Variants in NAAA observed in about 807,000 individuals in gnomAD.
NAAA encodes the protein N-acylethanolamine acid amidase, also known as N-acylethanolamine-hydrolyzing acid amidase.
NAAA carries 39 observed loss-of-function variants against 44.8 expected under a neutral mutation model. The observed-to-expected ratio is 0.87, with a 90% CI of 0.67 to 1.14. NAAA has a LOEUF of 1.14. NAAA is among the 50% of genes most tolerant of loss of function. The probability of loss-of-function intolerance (pLI) is 0.00; values close to 1 mark genes in which losing one functional copy is unlikely to be tolerated. For synonymous variants in NAAA, 178 were observed against 191.3 expected (o/e 0.93, Z 0.58); for missense variants, 460 against 467.8 (o/e 0.98, Z 0.15).
chr4:75,933,288 T>A (rs2149278329), intron 3 of NAAA, among the ~76,000 whole-genome samples: 1 of 152,292 alleles, frequency 6.6e-6, no homozygotes, highest in Non-Finnish European at 1.5e-5. Flanking sequence ...ATTATTTATT[T>A]TTACCTTATC....
intron 5 of NAAA, among the ~76,000 whole-genome samples, chr4:75,922,345 T>G (rs1269317062): frequency 6.8e-6 from 1 of 146,514 alleles, no homozygotes; most frequent in African/African-American, 2.6e-5. Context: ...GCCACTGCAC[T>G]CCAGCCTGGG....
chr4:75,937,515 AGT>A (rs1486774779), intron 2 of NAAA, among the ~76,000 whole-genome samples: 28 of 151,642 alleles, frequency 1.8e-4, no homozygotes, highest in African/African-American at 6.5e-4. Context: ...ATTTATTTTG[AGT>A]CTCTGTCACC....
At chr4:75,938,997 C>T (rs1004214262) in intron 2 of NAAA, among the ~76,000 whole-genome samples, 4 of 152,046 alleles carry the variant, frequency 2.6e-5, no homozygotes, top group Admixed American at 1.3e-4. Context: ...TTCACAGGTG[C>T]CCGCCACCAG....
chr4:75,931,188 A>G (rs776257718), intron 4 of NAAA, 26 bp downstream of exon 4: 10 of 1,589,194 alleles, frequency 6.3e-6, no homozygotes, highest in Non-Finnish European at 8.6e-6. Flanking sequence ...TGTAGCTAAA[A>G]TTACACAGGG....
chr4:75,925,816 C>T lies in NAAA; in HGVS notation c.590-5G>A, dbSNP rs369337623. The T allele has an allele frequency of 8.1e-6, 13 of 1,613,804 alleles. No homozygotes were observed. The highest frequency in any genetic ancestry group is 1.3e-5 in the African/African-American group (1 of 74,982). On this transcript the variant is annotated splice_polypyrimidine_tract_variant and splice_region_variant and intron_variant, in intron 4 of 10. Coordinates refer to ENST00000286733, the MANE Select transcript of NAAA (RefSeq NM_014435.4). ...TCTCCCACCACCAGCCTTTATCTGCCAAGTTGAGTATATATGTTATATATG... is the reference window on the plus strand; with the variant it reads ...TCTCCCACCACCAGCCTTTATCTGCTAAGTTGAGTATATATGTTATATATG...
rs1560519344 is a variant in NAAA at position 75,936,247 on chromosome 4, G to A, written c.372-12C>T. 1 of 1,608,454 alleles carries A rather than the reference G, an allele frequency of 6.2e-7. No homozygotes were observed. The highest frequency in any genetic ancestry group is 8.5e-7 in the Non-Finnish European group (1 of 1,177,864). ...TACTGGTGCAGAACCTGAGAAAAGGGAAAAGTCCAACATGAATGAATAAGA... is the reference window on the plus strand; with the variant it reads ...TACTGGTGCAGAACCTGAGAAAAGGAAAAAGTCCAACATGAATGAATAAGA... On this transcript the variant is annotated splice_polypyrimidine_tract_variant and intron_variant, in intron 2 of 10. Coordinates refer to ENST00000286733, the MANE Select transcript of NAAA (RefSeq NM_014435.4).
Position 75,914,127 on chromosome 4 carries a change from G to C in NAAA, c.*248C>G, listed in dbSNP as rs1725452955. On this transcript the variant is annotated 3_prime_UTR_variant, in exon 11 of 11. Transcript: ENST00000286733. ...ATTCAGGCCAGGATAGAAGCTTAGA[G>C]AGGATCGAGGCAAACCATGAAGGGA... The C allele has an allele frequency of 4.1e-6, 4 of 985,598 alleles. No individual in the cohort carries two copies. The highest frequency in any genetic ancestry group is 3.6e-6 in the Non-Finnish European group (3 of 829,958). The allele number at this position is 985,598 out of a possible 1,614,324, so 61.1% of individuals were successfully genotyped here.
At chr4:75,912,629 C>T (rs1387513681), downstream of NAAA, among the ~76,000 whole-genome samples, 1 of 151,650 alleles carries the variant, frequency 6.6e-6, no homozygotes, top group Non-Finnish European at 1.5e-5. Context: ...ACAGAATAAG[C>T]TGGGCATAGT....
At chr4:75,919,619 C>T (rs1034183208) in intron 8 of NAAA, 35 of 499,776 alleles carry the variant, frequency 7.0e-5, no homozygotes, top group Non-Finnish European at 1.0e-4. Flanking sequence ...GCTTGGACTA[C>T]AGGCACCCGC....
rs1480152148 is a variant in NAAA, at chr4:75,914,899, C to T, written c.*5G>A. 5.0e-6 allele frequency: 8 copies of T among 1,614,082 alleles called. No individual in the cohort carries two copies. Among genetic ancestry groups the T allele is most frequent in the Non-Finnish European group, 6.8e-6 (8 of 1,179,962 alleles). ...CAGCACGGGCGAACTCGCTCTTCTG[C>T]TGACTTACTTTCTACTCGGGTTTCT... On this transcript the variant is annotated 3_prime_UTR_variant, in exon 10 of 11. Transcript: ENST00000286733.
At chr4:75,928,201 T>A (rs1170644523) in intron 4 of NAAA, among the ~76,000 whole-genome samples, 1 of 152,222 alleles carries the variant, frequency 6.6e-6, no homozygotes, top group African/African-American at 2.4e-5. Flanking sequence ...ACTTGGAGAT[T>A]CCACATATAA....
downstream of NAAA, among the ~76,000 whole-genome samples, chr4:75,913,459 C>T (rs373912216): frequency 2.0e-5 from 3 of 152,000 alleles, no homozygotes; most frequent in African/African-American, 7.2e-5. Context: ...TTCGTTTACA[C>T]TTTTAACCTT....
chr4:75,937,917 A>G (rs187957602), intron 2 of NAAA, among the ~76,000 whole-genome samples: 19 of 152,362 alleles, frequency 1.2e-4, no homozygotes, highest in African/African-American at 4.6e-4. Flanking sequence ...TGGCAAGATA[A>G]CAATACTTCC....
chr4:75,927,633 GCCC>G (rs60371960), intron 4 of NAAA, among the ~76,000 whole-genome samples: 33,096 of 95,286 alleles, frequency 0.35, 6,168 homozygotes, highest in Non-Finnish European at 0.39. Context: ...AATTTTTAAT[GCCC>G]CCCCCCCCCC....
rs958023718 is a variant in NAAA at position 75,914,163 on chromosome 4, G to C, written c.*212C>G. On this transcript the variant is annotated 3_prime_UTR_variant, in exon 11 of 11. Transcript: ENST00000286733. ...CAAACCATGAAGGGAAGGGAATGCAGGACAATGCCCATTACTGGCTTTACC... is the reference window on the plus strand; with the variant it reads ...CAAACCATGAAGGGAAGGGAATGCACGACAATGCCCATTACTGGCTTTACC... The C allele has an allele frequency of 2.6e-5, 26 of 985,630 alleles. No homozygotes were observed. The highest frequency in any genetic ancestry group is 2.8e-5 in the Non-Finnish European group (23 of 829,958). 61.1% of individuals were successfully genotyped at this position (985,630 alleles called of 1,614,324 possible). A position where few individuals can be genotyped will look rare whatever the true frequency, so the allele number is the denominator to read the frequency against.
chr4:75,922,775 C>T (rs1726293879), intron 5 of NAAA, among the ~76,000 whole-genome samples: 1 of 152,212 alleles, frequency 6.6e-6, no homozygotes, highest in Non-Finnish European at 1.5e-5. Context: ...AAGAAATTTT[C>T]CCTTGGCCTT....
intron 1 of NAAA, 185 bp from the exon 2 acceptor site, chr4:75,940,350 G>A (rs904308217): frequency 2.4e-5 from 15 of 619,500 alleles, no homozygotes; most frequent in Non-Finnish European, 4.1e-5. Context: ...GGGGAAGGGG[G>A]CGGGGGGAAG....
In NAAA at chr4:75,939,992, G is replaced by A. The variant is rs1196926704; in HGVS notation, c.371+9C>T. 35 of 1,613,124 alleles carry A rather than the reference G, an allele frequency of 2.2e-5. No homozygotes were observed. Among genetic ancestry groups the A allele is most frequent in the Non-Finnish European group, 2.9e-5 (34 of 1,179,534 alleles). On this transcript the variant is annotated intron_variant, in intron 2 of 10. Coordinates refer to ENST00000286733, the MANE Select transcript of NAAA (RefSeq NM_014435.4). ...CCCGCGTTACTCCGCGCGGGCTTGG[G>A]GCACTCACACGGAGGACTCGTAGGC...
At chr4:75,940,236 G>A in intron 1 of NAAA, 71 bp from the exon 2 acceptor site, 8 of 1,530,850 alleles carry the variant, frequency 5.2e-6, no homozygotes, top group Non-Finnish European at 6.2e-6. Context: ...TGTGCACTGC[G>A]AGCGGGGCTA....
Sources: allele counts gnomAD v4.1 joint callset (sites outside exome capture counted in the v4.1 genomes callset), GRCh38; gene constraint gnomAD v4.1.1; transcripts MANE v1.5; gene names NCBI Gene and HGNC (gene_info 2026-07-23, HGNC 2026-07-21).